ZNF398: variants seen among roughly 807,000 people sequenced by gnomAD.
ZNF398 encodes the protein zinc finger DNA binding protein ZER6.
Under a neutral mutation model 41.9 loss-of-function variants are expected in ZNF398, and 18 were observed. The ratio of observed to expected loss-of-function variants is 0.43; its 90% CI spans 0.30 to 0.64. The LOEUF (loss-of-function observed/expected upper bound fraction) is 0.64, where lower values mean the gene tolerates loss of function less well. Ranked by LOEUF, ZNF398 falls within the 30% of genes least tolerant of loss-of-function variation. The pLI, the probability that ZNF398 is intolerant of heterozygous loss-of-function variation, is 0.14. For synonymous variants in ZNF398, 260 were observed against 308.8 expected, an observed-to-expected ratio of 0.84 and a Z score of 1.66; for missense variants, 669 against 822.8, an observed-to-expected ratio of 0.81 and a Z score of 2.29.
upstream of ZNF398, among the ~76,000 whole-genome samples, chr7:149,146,441 C>T (rs1300311972): frequency 2.6e-5 from 4 of 152,120 alleles, no homozygotes; most frequent in Admixed American, 2.0e-4. Flanking sequence ...CCAAGATGCT[C>T]GGGCAGGCTG....
chr7:149,152,386 A>G (rs1585516785), intron 1 of ZNF398, among the ~76,000 whole-genome samples: 1 of 150,358 alleles, frequency 6.7e-6, no homozygotes, highest in East Asian at 2.0e-4. Context: ...TCAGCCTCCG[A>G]AGTAGCTGAG....
At chr7:149,154,382 C>T (rs771853956) in intron 2 of ZNF398, 42 bp downstream of exon 2, 4 of 1,535,946 alleles carry the variant, frequency 2.6e-6, no homozygotes, top group Non-Finnish European at 3.5e-6. Flanking sequence ...ACCACTAGAA[C>T]TTACATTAGT....
In ZNF398 at chr7:149,179,778, G is replaced by A. The variant is rs1264449698; in HGVS notation, c.1906G>A (p.Gly636Arg). 6.3e-7 allele frequency: 1 copy of A among 1,585,570 alleles called. No individual in the cohort carries two copies. The highest frequency in any genetic ancestry group is 1.1e-5 in the South Asian group (1 of 87,704). ...AGAGACCAACCAGTGGTATGGGGAA[G>A]GGAGTGGAGGGGGAGTTTTGTAAAT... ...GLETNQWYGE[G>R]SGGGVL The change falls in exon 6 of 6, where the codon GGG (glycine) becomes AGG (arginine). Residue 636 changes from glycine to arginine, a missense_variant. Physicochemically the swap from Gly to Arg is moderately radical, Grantham distance 125. This residue lies in a region of ZNF398 where 210 missense variants were observed against 290.4 expected (regional missense o/e 0.72). Transcript: ENST00000475153. The surrounding 1 kb of genome is among the most constrained non-coding windows in gnomAD (Gnocchi z 6.1).
At chr7:149,130,727 G>C (rs1254511976) in intron 2 of ZNF398, among the ~76,000 whole-genome samples, 1 of 152,186 alleles carries the variant, frequency 6.6e-6, no homozygotes, top group Non-Finnish European at 1.5e-5. Flanking sequence ...GCTGTTTGTG[G>C]CTCAGAAAGC....
At chr7:149,162,406 TCTC>T (rs1254594544) in intron 2 of ZNF398, among the ~76,000 whole-genome samples, 1 of 152,092 alleles carries the variant, frequency 6.6e-6, no homozygotes, top group Non-Finnish European at 1.5e-5. Flanking sequence ...ATGGTCTCGA[TCTC>T]CTGACCTCGT....
intron 2 of ZNF398, among the ~76,000 whole-genome samples, chr7:149,141,447 C>CTTTTTTTTTTTTTTTTTTTTTTTTTTTT (rs35331670): frequency 8.6e-6 from 1 of 116,816 alleles, no homozygotes; most frequent in African/African-American, 2.9e-5. Flanking sequence ...AGCTACTTTT[C>CTTTTTTTTTTTTTTTTTTTTTTTTTTTT]TTTTTTTTCT....
chr7:149,136,712 C>T lies in ZNF398; in HGVS notation c.-490+7768C>T, dbSNP rs563698132. Among the ~76,000 whole-genome samples the T allele has an allele frequency of 7.9e-5, 12 of 151,916 alleles. No individual in the cohort carries two copies. In the South Asian group the frequency reaches 1.7e-3, roughly 21 times the overall value. ...CCTCCCATGTAGCTGGGATTACAGG[C>T]GCCCGCCACCACACCCAGCTAATTT... On this transcript the variant is annotated intron_variant, in intron 2 of 6. Transcript: ENST00000426851.
At chr7:149,143,187 T>C (rs1238345643), upstream of ZNF398, among the ~76,000 whole-genome samples, 1 of 152,136 alleles carries the variant, frequency 6.6e-6, no homozygotes, top group African/African-American at 2.4e-5. Context: ...AGGAACATTG[T>C]AGATTTTGAA....
At chr7:149,163,619 C>T (rs933199269) in intron 2 of ZNF398, among the ~76,000 whole-genome samples, 8 of 152,004 alleles carry the variant, frequency 5.3e-5, no homozygotes, top group African/African-American at 1.4e-4. Flanking sequence ...GGTGAGCCAC[C>T]GCGCCCGGCC....
intron 4 of ZNF398, among the ~76,000 whole-genome samples, chr7:149,169,184 T>G (rs1257059184): frequency 6.6e-6 from 1 of 152,178 alleles, no homozygotes; most frequent in African/African-American, 2.4e-5. Flanking sequence ...CCATGGGTTT[T>G]CAAGATGCTC....
upstream of ZNF398, among the ~76,000 whole-genome samples, chr7:149,143,967 A>G (rs115594410): frequency 2.2e-3 from 328 of 152,346 alleles, 3 homozygotes; most frequent in African/African-American, 7.6e-3. Flanking sequence ...AAGTTAGTAC[A>G]ACAACCTTAC....
At chr7:149,142,166 G>T (rs1826838850) in intron 2 of ZNF398, among the ~76,000 whole-genome samples, 1 of 151,846 alleles carries the variant, frequency 6.6e-6, no homozygotes, top group African/African-American at 2.4e-5. Flanking sequence ...AACCATTTTC[G>T]GTTGAGATTT....
At chr7:149,143,245 G>A (rs1263997771), upstream of ZNF398, among the ~76,000 whole-genome samples, 1 of 152,150 alleles carries the variant, frequency 6.6e-6, no homozygotes, top group Non-Finnish European at 1.5e-5. Context: ...CAATTATTAC[G>A]TCCTTCTAAA....
upstream of ZNF398, among the ~76,000 whole-genome samples, chr7:149,144,868 C>T (rs750283350): frequency 1.5e-4 from 23 of 152,218 alleles, no homozygotes; most frequent in South Asian, 4.1e-4. Flanking sequence ...GGATTATAGG[C>T]GTGAGTCACC....
At chr7:149,156,979 G>A (rs1010308462) in intron 2 of ZNF398, among the ~76,000 whole-genome samples, 2 of 152,008 alleles carry the variant, frequency 1.3e-5, no homozygotes, top group African/African-American at 4.8e-5. Context: ...CAACTTGCCC[G>A]AGGTCACATA....
At chr7:149,151,792 T>C (rs1563157884) in intron 1 of ZNF398, among the ~76,000 whole-genome samples, 1 of 98,612 alleles carries the variant, frequency 1.0e-5, no homozygotes, top group Non-Finnish European at 2.2e-5. Flanking sequence ...TTTTTTTTTC[T>C]TTTTTTTTTT....
chr7:149,179,547 C>G lies in ZNF398; in HGVS notation c.1675C>G (p.Arg559Gly), dbSNP rs140277862. 6.2e-7 allele frequency: 1 copy of G among 1,614,216 alleles called. No individual in the cohort carries two copies. The highest frequency in any genetic ancestry group is 2.2e-5 in the East Asian group (1 of 44,890). The change falls in exon 6 of 6, where the codon CGC becomes GGC. Residue 559 changes from arginine (R) to glycine (G), a missense_variant. Arg to Gly is a moderately radical substitution (Grantham distance 125). Transcript: ENST00000475153. This position sits in a 1 kb window ranked among gnomAD's most constrained non-coding sequence, Gnocchi z 6.1. ...IRKHHLMKHQ[R>G]IHTGERPYPC... is the part of the protein sequence containing the mutation. ...CAAGCACCACCTAATGAAACACCAG[C>G]GCATCCACACCGGGGAGCGGCCCTA...
rs1244287843 is a variant in ZNF398, at chr7:149,127,399, A to C, written c.-612+744A>C. ...TACTGATTAAAGGGTTAAAAAAAAA[A>C]AACCTTACATTAAAACTAACGTTTC... is the stretch of plus-strand genomic sequence containing the variant. On this transcript the variant is annotated intron_variant, in intron 1 of 6. Transcript: ENST00000426851. Among the ~76,000 whole-genome samples, 4 of 151,924 alleles carry C rather than the reference A, an allele frequency of 2.6e-5. No individual in the cohort carries two copies. The East Asian group carries it at 5.8e-4, about 22-fold the overall frequency.
rs1826996694 is a variant in ZNF398 at position 149,147,894 on chromosome 7, C to T, written c.24+128C>T. On this transcript the variant is annotated intron_variant, in intron 1 of 5. Transcript: ENST00000475153. This position sits in a 1 kb window ranked among gnomAD's most constrained non-coding sequence, Gnocchi z 5.6. Reference sequence around the variant, plus strand: ...GTCCCGCCGGCCACGTCGCCTGTCGCCCGTGCTTGGCGGCTGCAGCCTCGC... The same window carrying T: ...GTCCCGCCGGCCACGTCGCCTGTCGTCCGTGCTTGGCGGCTGCAGCCTCGC... 11 of 1,152,562 alleles carry T rather than the reference C, an allele frequency of 9.5e-6. No individual in the cohort carries two copies. In the South Asian group the frequency reaches 2.8e-4, roughly 30 times the overall value. The allele number at this position is 1,152,562 out of a possible 1,614,324, so 71.4% of individuals were successfully genotyped here.
Sources: allele counts gnomAD v4.1 joint callset (sites outside exome capture counted in the v4.1 genomes callset), GRCh38; gene constraint gnomAD v4.1.1; regional missense constraint gnomAD v4.1.1; non-coding constraint Gnocchi (gnomAD v3.1); transcripts MANE v1.5; gene names NCBI Gene and HGNC (gene_info 2026-07-23, HGNC 2026-07-21).